The following ADGRB3 variants were observed in gnomAD, a reference collection of about 807,000 sequenced individuals.
ADGRB3 encodes the protein brain-specific angiogenesis inhibitor 3.
ADGRB3 carries 37 observed loss-of-function variants against 193.4 expected under a neutral mutation model. The observed-to-expected ratio is 0.19, with a 90% CI of 0.15 to 0.25. The LOEUF is 0.25. Among genes scored for constraint, ADGRB3 ranks in the 10% least tolerant of loss-of-function variants. ADGRB3 has a pLI of 1.00. For synonymous variants in ADGRB3, 690 were observed against 644.2 expected, an observed-to-expected ratio of 1.07 and a Z score of -1.08; for missense variants, 1,637 against 1,852.9, an observed-to-expected ratio of 0.88 and a Z score of 2.14.
At chr6:69,002,222 CTTT>C (rs11284011) in intron 11 of ADGRB3, among the ~76,000 whole-genome samples, 56 of 138,474 alleles carry the variant, frequency 4.0e-4, no homozygotes, top group Non-Finnish European at 4.2e-4. Context: ...CATCTTTTAT[CTTT>C]TTTTTTTTTT....
At chr6:69,226,609 T>G (rs562679612) in intron 17 of ADGRB3, among the ~76,000 whole-genome samples, 1 of 152,336 alleles carries the variant, frequency 6.6e-6, no homozygotes, top group East Asian at 1.9e-4. Flanking sequence ...GTATTGTGTA[T>G]CAGCTATTTT....
intron 20 of ADGRB3, among the ~76,000 whole-genome samples, chr6:69,301,637 A>G (rs191131091): frequency 3.7e-4 from 56 of 152,074 alleles, no homozygotes; most frequent in Non-Finnish European, 6.3e-4. Context: ...ATGACATTAC[A>G]AGAAAAATTG....
At chr6:69,380,071 C>A (rs1347569128) in intron 30 of ADGRB3, among the ~76,000 whole-genome samples, 1 of 151,732 alleles carries the variant, frequency 6.6e-6, no homozygotes, top group Non-Finnish European at 1.5e-5. Context: ...TATGATCCAC[C>A]CAGTTCTGAA....
At chr6:68,738,021 A>G (rs780505861) in intron 3 of ADGRB3, among the ~76,000 whole-genome samples, 20 of 152,180 alleles carry the variant, frequency 1.3e-4, no homozygotes, top group Non-Finnish European at 2.2e-4. Context: ...GAGAATGGAC[A>G]AGTTTGACTA....
At chr6:68,770,384 T>C in intron 3 of ADGRB3, among the ~76,000 whole-genome samples, 1 of 152,152 alleles carries the variant, frequency 6.6e-6, no homozygotes, top group South Asian at 2.1e-4. Context: ...ATCTGAAACC[T>C]AATGTGTGCC....
chr6:69,140,323 A>G (rs1024664106), intron 17 of ADGRB3, among the ~76,000 whole-genome samples: 18 of 152,232 alleles, frequency 1.2e-4, no homozygotes, highest in Admixed American at 6.5e-5. Flanking sequence ...GCAATCTTAT[A>G]TGATATACAA....
intron 26 of ADGRB3, among the ~76,000 whole-genome samples, chr6:69,343,793 A>T: frequency 6.6e-6 from 1 of 152,208 alleles, no homozygotes; most frequent in East Asian, 1.9e-4. Context: ...TTAGCAACAG[A>T]ACCTAAATCT....
chr6:69,211,750 T>C (rs563811005), intron 17 of ADGRB3, among the ~76,000 whole-genome samples: 21 of 152,324 alleles, frequency 1.4e-4, no homozygotes, highest in Non-Finnish European at 2.2e-4. Context: ...TGGAATATTA[T>C]TTGTTGAACA....
chr6:68,781,048 T>A (rs929579437), intron 3 of ADGRB3, among the ~76,000 whole-genome samples: 1 of 152,218 alleles, frequency 6.6e-6, no homozygotes, highest in Admixed American at 6.6e-5. Flanking sequence ...TGTTTTGTTT[T>A]ATCCTCAAGT....
chr6:69,070,353 A>C (rs139667092), intron 16 of ADGRB3, among the ~76,000 whole-genome samples: 161 of 152,250 alleles, frequency 1.1e-3, no homozygotes, highest in African/African-American at 3.7e-3. Flanking sequence ...ACAAATAATA[A>C]TTGTATTGAT....
chr6:69,222,933 G>A (rs1309369967), intron 17 of ADGRB3, among the ~76,000 whole-genome samples: 5 of 152,080 alleles, frequency 3.3e-5, no homozygotes, highest in Admixed American at 2.6e-4. Flanking sequence ...AAGGTGAACA[G>A]ATTATTTTCC....
chr6:68,640,233 C>T (rs563001529), intron 3 of ADGRB3, among the ~76,000 whole-genome samples: 1 of 152,072 alleles, frequency 6.6e-6, no homozygotes, highest in East Asian at 1.9e-4. Flanking sequence ...CCCCGGTTGA[C>T]GTACACGAAG....
At position 68,638,830 on chromosome 6, in the gene ADGRB3, T is replaced by A; in HGVS notation, c.155T>A (p.Phe52Tyr). 1.9e-6 allele frequency: 3 copies of A among 1,614,134 alleles called. No individual in the cohort carries two copies. Among genetic ancestry groups the A allele is most frequent in the Non-Finnish European group, 1.7e-6 (2 of 1,180,034 alleles). The stretch of plus-strand genomic sequence containing the variant: ...GTAAGTGAAATGTTTCCTAAAAACT[T>A]TACAAACTGCACTTGGACGCTGGAA... Reference protein sequence around the residue: ...YSVSEMFPKNFTNCTWTLENP... With the variant: ...YSVSEMFPKNYTNCTWTLENP... Residue 52 changes from phenylalanine (F) to tyrosine (Y), a missense_variant, in exon 3 of 32, where the codon TTT becomes TAT. Physicochemically the swap from Phe to Tyr is conservative, Grantham distance 22. This residue lies in a region of ADGRB3 where 365 missense variants were observed against 409.8 expected (regional missense o/e 0.89). Transcript: ENST00000370598.
intron 20 of ADGRB3, among the ~76,000 whole-genome samples, chr6:69,282,542 G>A (rs1277769839): frequency 6.6e-6 from 1 of 152,254 alleles, no homozygotes; most frequent in Admixed American, 6.5e-5. Flanking sequence ...GTTTCATAAA[G>A]TACTTATAGG....
intron 13 of ADGRB3, among the ~76,000 whole-genome samples, chr6:69,042,077 G>A (rs1412513979): frequency 6.6e-6 from 1 of 152,130 alleles, no homozygotes; most frequent in Non-Finnish European, 1.5e-5. Flanking sequence ...GAGATCTGAT[G>A]ATTTTATAAA....
intron 17 of ADGRB3, among the ~76,000 whole-genome samples, chr6:69,128,411 G>A (rs377455164): frequency 2.0e-5 from 3 of 152,212 alleles, no homozygotes; most frequent in African/African-American, 7.2e-5. Context: ...TGTGGTCTGT[G>A]ACTTGAAGAC....
At chr6:69,379,083 G>A (rs558505130) in intron 30 of ADGRB3, among the ~76,000 whole-genome samples, 13 of 152,060 alleles carry the variant, frequency 8.5e-5, no homozygotes, top group African/African-American at 2.4e-4. Flanking sequence ...GAAATGTTGC[G>A]TGATAGTAAT....
intron 13 of ADGRB3, among the ~76,000 whole-genome samples, chr6:69,032,072 TTAAC>T (rs545986325): frequency 6.8e-4 from 103 of 152,174 alleles, no homozygotes; most frequent in African/African-American, 2.4e-3. Context: ...TCAGAGGACT[TTAAC>T]TAGGAAAATT....
intron 15 of ADGRB3, among the ~76,000 whole-genome samples, chr6:69,050,686 A>G (rs1771367540): frequency 6.6e-6 from 1 of 152,192 alleles, no homozygotes; most frequent in African/African-American, 2.4e-5. Flanking sequence ...TATAAAGCTT[A>G]TATTTTAAGA....
Sources: gnomAD v4.1 joint callset for allele counts (sites outside exome capture counted in the v4.1 genomes callset) on GRCh38, gnomAD v4.1.1 for gene constraint, gnomAD v4.1.1 regional missense constraint, MANE v1.5 for transcripts, NCBI Gene and HGNC (gene_info 2026-07-23, HGNC 2026-07-21) for gene names.